Variants in CHRDL2 observed in about 807,000 individuals in gnomAD.
CHRDL2 encodes chordin like 2.
Under a neutral mutation model 54.3 loss-of-function variants are expected in CHRDL2, and 41 were observed. That is an observed-to-expected ratio of 0.76 (90% CI 0.59 to 0.98). CHRDL2 has a LOEUF of 0.98. Ranked by LOEUF, CHRDL2 falls within the 50% of genes least tolerant of loss-of-function variation. CHRDL2 has a pLI of 0.00. For synonymous variants in CHRDL2, 220 were observed against 224.3 expected (o/e 0.98, Z 0.17); for missense variants, 518 against 562.4 (o/e 0.92, Z 0.80).
intron 9 of CHRDL2, 79 bp downstream of exon 9, chr11:74,702,715 T>C: frequency 6.7e-7 from 1 of 1,487,594 alleles, no homozygotes; most frequent in Non-Finnish European, 9.3e-7. Flanking sequence ...AAAACGTCCC[T>C]AAGGCCCCTG....
chr11:74,720,934 A>G (rs914518316), intron 1 of CHRDL2, among the ~76,000 whole-genome samples: 6 of 152,168 alleles, frequency 3.9e-5, no homozygotes, highest in South Asian at 2.1e-4. Context: ...CTCCTAGAAC[A>G]AAGATTTGAG....
At chr11:74,722,758 C>T (rs1012088039) in intron 1 of CHRDL2, among the ~76,000 whole-genome samples, 1 of 152,082 alleles carries the variant, frequency 6.6e-6, no homozygotes, top group Admixed American at 6.6e-5. Flanking sequence ...TTCTTCTAGC[C>T]CCACTCATAA....
At chr11:74,706,936 C>A (rs1437607125) in intron 5 of CHRDL2, among the ~76,000 whole-genome samples, 1 of 152,228 alleles carries the variant, frequency 6.6e-6, no homozygotes, top group Admixed American at 6.5e-5. Context: ...TCCCTGCAGC[C>A]TGCATAGATG....
rs745370924 is a variant in CHRDL2 at position 74,703,414 on chromosome 11, T to C, written c.837A>G (p.Leu279=). The change falls in exon 8 of 11, where the codon CTA becomes CTG. Residue 279 remains leucine, a synonymous_variant. Transcript: ENST00000376332. ...CCTGGCGGCCATCCTCACAGGTGCA[T>C]AGGATGCAGGGCAAGGGGCCGAAGG... ...FRAFGPLPCI[L]CTCEDGRQDC... is the part of the protein sequence containing the mutation. The C allele has an allele frequency of 3.2e-5, 51 of 1,613,306 alleles. No homozygotes were observed. The highest frequency in any genetic ancestry group is 4.1e-5 in the Non-Finnish European group (48 of 1,179,798).
chr11:74,726,362 C>T (rs1011179837), intron 1 of CHRDL2, among the ~76,000 whole-genome samples: 1 of 152,130 alleles, frequency 6.6e-6, no homozygotes, highest in Non-Finnish European at 1.5e-5. Context: ...CAATGCCAGT[C>T]GTCAGATGTG....
intron 4 of CHRDL2, among the ~76,000 whole-genome samples, chr11:74,709,524 T>C (rs567726245): frequency 8.9e-4 from 136 of 152,370 alleles, no homozygotes; most frequent in Admixed American, 1.7e-3. Context: ...CACAACAGAC[T>C]AGACCACTGC....
chr11:74,700,616 C>CT (rs150669615), intron 9 of CHRDL2, among the ~76,000 whole-genome samples: 4 of 145,734 alleles, frequency 2.7e-5, no homozygotes, highest in South Asian at 2.2e-4. Context: ...CTGATGGAAT[C>CT]TTTTTTTTAT....
intron 9 of CHRDL2, chr11:74,697,762 G>T: frequency 3.3e-6 from 1 of 303,458 alleles, no homozygotes. Context: ...AAGGCAGGAG[G>T]GAGAGGAGGA....
At chr11:74,716,989 G>A (rs180887956) in intron 2 of CHRDL2, among the ~76,000 whole-genome samples, 2 of 152,272 alleles carry the variant, frequency 1.3e-5, no homozygotes, top group East Asian at 3.9e-4. Flanking sequence ...AGCTACTCAG[G>A]TGGCTGAGGT....
intron 5 of CHRDL2, among the ~76,000 whole-genome samples, chr11:74,708,023 A>G (rs1374916916): frequency 2.6e-5 from 4 of 152,206 alleles, no homozygotes; most frequent in Non-Finnish European, 5.9e-5. Context: ...AGCAGAGGCC[A>G]GCCCCTGGAC....
chr11:74,700,616 CTTT>C (rs150669615), intron 9 of CHRDL2, among the ~76,000 whole-genome samples: 55 of 145,780 alleles, frequency 3.8e-4, no homozygotes, highest in African/African-American at 6.0e-4. Flanking sequence ...CTGATGGAAT[CTTT>C]TTTTTATTAT....
At chr11:74,700,388 A>G (rs1316137030) in intron 9 of CHRDL2, among the ~76,000 whole-genome samples, 1 of 151,982 alleles carries the variant, frequency 6.6e-6, no homozygotes, top group Non-Finnish European at 1.5e-5. Flanking sequence ...ATTTTTAGTG[A>G]CACTATCTGT....
At chr11:74,712,727 C>G (rs1370305765) in intron 3 of CHRDL2, among the ~76,000 whole-genome samples, 1 of 152,198 alleles carries the variant, frequency 6.6e-6, no homozygotes, top group Non-Finnish European at 1.5e-5. Flanking sequence ...CAATTTTCCT[C>G]TCAACCTCCC....
intron 2 of CHRDL2, 131 bp downstream of exon 2, chr11:74,718,589 G>A (rs182648767): frequency 0.012 from 7,987 of 642,158 alleles, 59 homozygotes; most frequent in Non-Finnish European, 0.017. Context: ...TAGTGAAGTG[G>A]CTTGTCCCAA....
intron 4 of CHRDL2, 132 bp from the exon 5 acceptor site, chr11:74,708,527 T>C (rs1164284537): frequency 4.6e-6 from 3 of 655,422 alleles, no homozygotes; most frequent in Admixed American, 3.8e-5. Flanking sequence ...AGCAACAGCA[T>C]CTCCACAGCA....
chr11:74,721,002 T>C (rs1768781492), intron 1 of CHRDL2, among the ~76,000 whole-genome samples: 1 of 152,186 alleles, frequency 6.6e-6, no homozygotes, highest in South Asian at 2.1e-4. Context: ...TAGGAACACA[T>C]GGCTTAGTTC....
intron 9 of CHRDL2, among the ~76,000 whole-genome samples, chr11:74,702,424 G>A (rs980475882): frequency 4.6e-5 from 7 of 152,126 alleles, no homozygotes; most frequent in Admixed American, 1.3e-4. Flanking sequence ...CAGCCTCCAG[G>A]CCCTCCTACT....
intron 1 of CHRDL2, chr11:74,719,074 C>A: frequency 2.1e-6 from 1 of 480,508 alleles, no homozygotes; most frequent in Admixed American, 3.8e-5. Flanking sequence ...AGCCTTAACG[C>A]TTATCTCACA....
chr11:74,718,064 A>G (rs747833787), intron 2 of CHRDL2, among the ~76,000 whole-genome samples: 57 of 152,150 alleles, frequency 3.7e-4, no homozygotes, highest in Non-Finnish European at 7.1e-4. Context: ...ATGGAAAACA[A>G]AAACATGGTC....
Sources: allele counts gnomAD v4.1 joint callset (sites outside exome capture counted in the v4.1 genomes callset), GRCh38; gene constraint gnomAD v4.1.1; transcripts MANE v1.5; gene names NCBI Gene and HGNC (gene_info 2026-07-23, HGNC 2026-07-21).